RTL9: variants seen among roughly 807,000 people sequenced by gnomAD.
RTL9 encodes retrotransposon Gag like 9, also known as retrotransposon Gag-like protein 9.
A neutral mutation model predicts 44.7 loss-of-function variants in RTL9; 19 were observed. The observed-to-expected ratio is 0.42, with a 90% CI of 0.30 to 0.62. RTL9 has a LOEUF of 0.62. RTL9 is among the 20% of genes least tolerant of loss of function. RTL9 has a pLI of 0.16. For synonymous variants in RTL9, 407 were observed against 398.9 expected (o/e 1.02, Z -0.24); for missense variants, 1,105 against 1,080.6 (o/e 1.02, Z -0.32).
chrX:110,398,978 C>T (rs1026104193), intron 1 of RTL9, among the ~76,000 whole-genome samples: 17 of 111,862 alleles, frequency 1.5e-4, no homozygotes, highest in African/African-American at 5.2e-4. Context: ...TGATACCTGC[C>T]ATATATGTTG....
intron 1 of RTL9, among the ~76,000 whole-genome samples, chrX:110,366,430 T>G (rs1190413700): frequency 8.9e-6 from 1 of 111,861 alleles, no homozygotes; most frequent in Non-Finnish European, 1.9e-5. Flanking sequence ...GGTGAGGGAC[T>G]AGTGGTTCTG....
rs926626891 is a variant in RTL9, at chrX:110,371,165, C to T, written c.-168+12249C>T. ...TTGAGAGGAACATACAGAGAGTTCC[C>T]GTTAGCCCCTAAAGATCCAGTTTTC... On this transcript the variant is annotated intron_variant, in intron 1 of 2. Transcript: ENST00000520821. 5.4e-5 allele frequency among the ~76,000 whole-genome samples: 6 copies of T among 110,632 alleles called. 1 individual carries two copies. Among genetic ancestry groups the T allele is most frequent in the Admixed American group, 4.8e-4 (5 of 10,434 alleles).
intron 1 of RTL9, among the ~76,000 whole-genome samples, chrX:110,400,264 C>G (rs1408204366): frequency 9.4e-6 from 1 of 106,013 alleles, no homozygotes; most frequent in Admixed American, 1.0e-4. Flanking sequence ...GCTAAATGTT[C>G]AAACAACATG....
intron 1 of RTL9, among the ~76,000 whole-genome samples, chrX:110,360,443 T>A (rs1482824901): frequency 9.0e-6 from 1 of 111,677 alleles, no homozygotes; most frequent in Non-Finnish European, 1.9e-5. Flanking sequence ...CTATTACCAT[T>A]GTCCAGGTGG....
chrX:110,375,363 C>T (rs1396716835), intron 1 of RTL9, among the ~76,000 whole-genome samples: 3 of 111,768 alleles, frequency 2.7e-5, no homozygotes, highest in African/African-American at 9.8e-5. Flanking sequence ...CCCTACTAAC[C>T]GCACAACTTT....
intron 1 of RTL9, among the ~76,000 whole-genome samples, chrX:110,360,586 A>G (rs1302804712): frequency 9.0e-6 from 1 of 111,669 alleles, no homozygotes; most frequent in Non-Finnish European, 1.9e-5. Flanking sequence ...GAAGAAAGGG[A>G]GGTGACAAGG....
chrX:110,382,047 TTAATC>T (rs2068423957), intron 1 of RTL9, among the ~76,000 whole-genome samples: 1 of 111,720 alleles, frequency 9.0e-6, no homozygotes, highest in Non-Finnish European at 1.9e-5. Context: ...TTTAGACAGA[TTAATC>T]TAATTCAAGT....
chrX:110,442,247 C>CTGTG (rs908737506), intron 1 of RTL9, among the ~76,000 whole-genome samples: 2,128 of 96,981 alleles, frequency 0.022, 37 homozygotes, highest in Non-Finnish European at 0.03. Flanking sequence ...CTCTCTCTCT[C>CTGTG]TGTGTGTGTG....
At chrX:110,385,300 G>A (rs1353596629) in intron 1 of RTL9, among the ~76,000 whole-genome samples, 1 of 111,765 alleles carries the variant, frequency 8.9e-6, no homozygotes, top group Admixed American at 9.5e-5. Flanking sequence ...CATAGTAGGT[G>A]CTATATAAAT....
At position 110,371,068 on chromosome X, in the gene RTL9, C is replaced by G. The variant is rs149902031; in HGVS notation, c.-168+12152C>G. 6.2e-4 allele frequency among the ~76,000 whole-genome samples: 69 copies of G among 111,114 alleles called. No individual in the cohort carries two copies. In the East Asian group the frequency reaches 0.019, roughly 30 times the overall value. ...GTATAAAATGCCTTTGTGGAATATTCTCTACTTGCCCCTCAAGATCCACTT... is the reference window on the plus strand; with the variant it reads ...GTATAAAATGCCTTTGTGGAATATTGTCTACTTGCCCCTCAAGATCCACTT... On this transcript the variant is annotated intron_variant, in intron 1 of 2. Transcript: ENST00000520821.
intron 1 of RTL9, among the ~76,000 whole-genome samples, chrX:110,378,744 C>T (rs778342589): frequency 8.9e-6 from 1 of 111,843 alleles, no homozygotes; most frequent in African/African-American, 3.3e-5. Flanking sequence ...CACATGCCAC[C>T]AATTTCATTT....
intron 1 of RTL9, among the ~76,000 whole-genome samples, chrX:110,376,145 A>G (rs1164154060): frequency 9.0e-6 from 1 of 111,410 alleles, no homozygotes; most frequent in African/African-American, 3.3e-5. Context: ...AGCCAGTGGG[A>G]AAAAAACTGC....
At chrX:110,446,504 A>G (rs1027425510), upstream of RTL9, among the ~76,000 whole-genome samples, 4 of 110,797 alleles carry the variant, frequency 3.6e-5, no homozygotes, top group African/African-American at 1.3e-4. Flanking sequence ...ACATATCTTT[A>G]AAAAAAATAA....
chrX:110,393,783 G>A (rs2068510663), intron 1 of RTL9, among the ~76,000 whole-genome samples: 1 of 112,618 alleles, frequency 8.9e-6, no homozygotes, highest in South Asian at 3.7e-4. Context: ...ACAGGATGGC[G>A]TCCTGACCAG....
chrX:110,370,385 T>C (rs2068329814), intron 1 of RTL9, among the ~76,000 whole-genome samples: 1 of 110,530 alleles, frequency 9.0e-6, no homozygotes, highest in African/African-American at 3.3e-5. Context: ...ATTTTTGTAT[T>C]TTTAGTAGAG....
At chrX:110,403,972 C>T (rs2068581373) in intron 1 of RTL9, among the ~76,000 whole-genome samples, 1 of 112,367 alleles carries the variant, frequency 8.9e-6, no homozygotes, top group Admixed American at 9.4e-5. Flanking sequence ...CCTCATTAGC[C>T]TGTGAACTTC....
At chrX:110,400,925 G>A (rs969160531) in intron 1 of RTL9, among the ~76,000 whole-genome samples, 3 of 111,665 alleles carry the variant, frequency 2.7e-5, no homozygotes, top group African/African-American at 9.8e-5. Context: ...CTACTTCCAG[G>A]GCTTTTAAAT....
chrX:110,433,259 G>C (rs2068812017), intron 1 of RTL9, among the ~76,000 whole-genome samples: 1 of 112,474 alleles, frequency 8.9e-6, no homozygotes, highest in East Asian at 2.8e-4. Flanking sequence ...ACAAAACAGG[G>C]GTAGTGCATA....
intron 1 of RTL9, among the ~76,000 whole-genome samples, chrX:110,454,942 T>C (rs2068971821): frequency 9.0e-6 from 1 of 111,681 alleles, no homozygotes; most frequent in Non-Finnish European, 1.9e-5. Flanking sequence ...CTGGATGGGC[T>C]CAGTTCCAAT....
Sources: allele counts gnomAD v4.1 joint callset (sites outside exome capture counted in the v4.1 genomes callset), GRCh38; gene constraint gnomAD v4.1.1; transcripts MANE v1.5; gene names NCBI Gene and HGNC (gene_info 2026-07-23, HGNC 2026-07-21).